The following NDUFAF2 variants were observed in gnomAD, a reference collection of about 807,000 sequenced individuals.
NDUFAF2 encodes NADH:ubiquinone oxidoreductase complex assembly factor 2.
In NDUFAF2, 13 loss-of-function variants were observed where a neutral mutation model predicts 22.8. The ratio of observed to expected loss-of-function variants is 0.57; its 90% CI spans 0.37 to 0.91. The LOEUF (loss-of-function observed/expected upper bound fraction) is 0.91, where lower values mean the gene tolerates loss of function less well. Ranked by LOEUF, NDUFAF2 falls within the 40% of genes least tolerant of loss-of-function variation. The probability of loss-of-function intolerance (pLI) is 0.01; values close to 1 mark genes in which losing one functional copy is unlikely to be tolerated. For missense variants in NDUFAF2, 162 were observed against 195.2 expected, an observed-to-expected ratio of 0.83 and a Z score of 1.01; for synonymous variants, 53 against 64.2, an observed-to-expected ratio of 0.83 and a Z score of 0.84.
chr5:61,063,596 A>G (rs964199167), intron 1 of NDUFAF2, among the ~76,000 whole-genome samples: 1 of 152,144 alleles, frequency 6.6e-6, no homozygotes, highest in Non-Finnish European at 1.5e-5. Context: ...GGTATCAAAA[A>G]TGTAAATTGG....
chr5:61,079,719 T>C (rs1021756638), intron 2 of NDUFAF2, among the ~76,000 whole-genome samples: 5 of 152,234 alleles, frequency 3.3e-5, no homozygotes, highest in African/African-American at 1.2e-4. Flanking sequence ...CAGAACTTCT[T>C]TCCTTGATGG....
intron 3 of NDUFAF2, among the ~76,000 whole-genome samples, chr5:61,101,658 A>C (rs1752706960): frequency 6.6e-6 from 1 of 151,988 alleles, no homozygotes; most frequent in Admixed American, 6.6e-5. Flanking sequence ...ACTCCAAATA[A>C]ACTTTCTTTC....
At chr5:60,994,148 C>T (rs967598062) in intron 1 of NDUFAF2, among the ~76,000 whole-genome samples, 1 of 152,250 alleles carries the variant, frequency 6.6e-6, no homozygotes, top group African/African-American at 2.4e-5. Flanking sequence ...ATGGCACACA[C>T]CCAGCTAGGC....
chr5:61,119,500 G>A (rs893971706), intron 3 of NDUFAF2, among the ~76,000 whole-genome samples: 3 of 152,074 alleles, frequency 2.0e-5, no homozygotes, highest in East Asian at 1.9e-4. Flanking sequence ...TTACACAGAA[G>A]CATGTTTTCA....
Position 60,984,811 on chromosome 5 carries a change from G to T in NDUFAF2, c.127+39429G>T, listed in dbSNP as rs994351595. On this transcript the variant is annotated intron_variant, in intron 1 of 3. Coordinates refer to ENST00000296597, the MANE Select transcript of NDUFAF2 (RefSeq NM_174889.5). ...TTCGGTTTGCCAGTATTTTATTGAGGTTTTTTGCATCGATGTTCATCAGGG... is the reference window on the plus strand; with the variant it reads ...TTCGGTTTGCCAGTATTTTATTGAGTTTTTTTGCATCGATGTTCATCAGGG... Among the ~76,000 whole-genome samples the T allele has an allele frequency of 2.0e-5, 3 of 152,154 alleles. No individual in the cohort carries two copies. The East Asian group carries it at 5.8e-4, about 29-fold the overall frequency.
intron 1 of NDUFAF2, among the ~76,000 whole-genome samples, chr5:60,989,245 A>G (rs921585836): frequency 4.6e-5 from 7 of 152,172 alleles, no homozygotes; most frequent in Admixed American, 2.0e-4. Flanking sequence ...TATTATTTTA[A>G]AAATCAAAAA....
chr5:60,976,792 T>C (rs191074323), intron 1 of NDUFAF2, among the ~76,000 whole-genome samples: 1 of 152,314 alleles, frequency 6.6e-6, no homozygotes, highest in Non-Finnish European at 1.5e-5. Context: ...CCTTTTTCTT[T>C]TTCATAAGGA....
intron 1 of NDUFAF2, among the ~76,000 whole-genome samples, chr5:60,996,298 G>T (rs1441652423): frequency 6.6e-6 from 1 of 152,118 alleles, no homozygotes; most frequent in African/African-American, 2.4e-5. Flanking sequence ...TCAAGGCAGG[G>T]GGTTTCCTTC....
chr5:61,150,731 G>A (rs548966123), intron 3 of NDUFAF2, among the ~76,000 whole-genome samples: 23 of 152,256 alleles, frequency 1.5e-4, no homozygotes, highest in African/African-American at 5.1e-4. Context: ...CTTGAGGTCG[G>A]TTACTAGTGG....
intron 1 of NDUFAF2, among the ~76,000 whole-genome samples, chr5:61,059,749 C>A (rs1752141128): frequency 6.6e-6 from 1 of 151,932 alleles, no homozygotes; most frequent in African/African-American, 2.4e-5. Flanking sequence ...CTTAAAAATT[C>A]TGAAAGCTTA....
chr5:60,970,055 G>A (rs1750807781), intron 1 of NDUFAF2, among the ~76,000 whole-genome samples: 1 of 151,962 alleles, frequency 6.6e-6, no homozygotes. Context: ...TTTATTTATG[G>A]GTTCTCTATT....
chr5:61,119,576 A>G (rs1383380584), intron 3 of NDUFAF2, among the ~76,000 whole-genome samples: 3 of 152,188 alleles, frequency 2.0e-5, no homozygotes, highest in Non-Finnish European at 4.4e-5. Flanking sequence ...AGCTTGGTCA[A>G]CATCCCATTT....
At chr5:61,004,816 ATAGTCCATTTAAGC>A (rs1751344268) in intron 1 of NDUFAF2, among the ~76,000 whole-genome samples, 2 of 152,144 alleles carry the variant, frequency 1.3e-5, no homozygotes, top group South Asian at 4.1e-4. Flanking sequence ...TTGACCCAAA[ATAGTCCATTTAAGC>A]CCCTAGAACT....
chr5:61,108,349 C>T (rs1256511997), intron 3 of NDUFAF2, among the ~76,000 whole-genome samples: 3 of 150,302 alleles, frequency 2.0e-5, no homozygotes, highest in African/African-American at 5.0e-5. Flanking sequence ...TCTCCACATC[C>T]TCTCCAGCAC....
At chr5:61,101,071 A>C (rs1752699553) in intron 3 of NDUFAF2, among the ~76,000 whole-genome samples, 1 of 152,124 alleles carries the variant, frequency 6.6e-6, no homozygotes, top group South Asian at 2.1e-4. Flanking sequence ...AGTTCTTACC[A>C]CTGTAACTTT....
rs191132709 is a variant in NDUFAF2, at chr5:61,142,768, C to G, written c.259-9936C>G. ...ACCTAAGCTCTGTCACTTATTTACT[C>G]TTTGGGTTTCTACTCCCATCCAGGC... On this transcript the variant is annotated intron_variant, in intron 3 of 3. Transcript: ENST00000296597. Among the ~76,000 whole-genome samples, 361 of 152,298 alleles carry G rather than the reference C, an allele frequency of 2.4e-3. 2 individuals are homozygous for G. Among genetic ancestry groups the G allele is most frequent in the African/African-American group, 8.4e-3 (348 of 41,560 alleles).
chr5:61,149,218 G>A (rs776131209), intron 3 of NDUFAF2, among the ~76,000 whole-genome samples: 13 of 152,152 alleles, frequency 8.5e-5, no homozygotes, highest in South Asian at 2.1e-4. Flanking sequence ...TGATCTGCCC[G>A]CTTTGACCTC....
chr5:61,152,656 T>C, intron 3 of NDUFAF2, 48 bp from the exon 4 acceptor site: 1 of 1,359,810 alleles, frequency 7.4e-7, no homozygotes, highest in Non-Finnish European at 9.8e-7. Context: ...ATAAAAACTT[T>C]TTTTAACTAG....
At chr5:61,092,744 A>G (rs970813802) in intron 2 of NDUFAF2, among the ~76,000 whole-genome samples, 11 of 152,094 alleles carry the variant, frequency 7.2e-5, no homozygotes, top group African/African-American at 2.4e-4. Context: ...TTCCTATACT[A>G]TGTTGAATAC....
Sources: gnomAD v4.1 joint callset for allele counts (sites outside exome capture counted in the v4.1 genomes callset) on GRCh38, gnomAD v4.1.1 for gene constraint, MANE v1.5 for transcripts, NCBI Gene and HGNC (gene_info 2026-07-23, HGNC 2026-07-21) for gene names.